The following PAIP1 variants were observed in gnomAD, a reference collection of about 807,000 sequenced individuals.
PAIP1 encodes poly(A) binding protein interacting protein 1.
In PAIP1, 16 loss-of-function variants were observed where a neutral mutation model predicts 61.3. The observed-to-expected ratio is 0.26, with a 90% confidence interval of 0.18 to 0.40. The LOEUF (loss-of-function observed/expected upper bound fraction) is 0.40. PAIP1 is among the 10% of genes least tolerant of loss of function. The pLI, the probability that PAIP1 is intolerant of heterozygous loss-of-function variation, is 1.00. For missense variants in PAIP1, 416 were observed against 600.9 expected, an observed-to-expected ratio of 0.69 and a Z score of 3.22; for synonymous variants, 187 against 226.2, an observed-to-expected ratio of 0.83 and a Z score of 1.56.
intron 1 of PAIP1, chr5:43,556,326 A>G: frequency 8.1e-7 from 1 of 1,235,398 alleles, no homozygotes; most frequent in Non-Finnish European, 1.0e-6. Context: ...GGCGATTTTT[A>G]CTTCCTCCCG....
chr5:43,556,941 G>A lies in PAIP1; in HGVS notation c.-95C>T. On this transcript the variant is annotated 5_prime_UTR_variant, in exon 1 of 11. Transcript: ENST00000306846. ...GCGCCGCGGGTCGGCTATAGCCGCC[G>A]CGCCTCACTCGGGCCTCATGGAGGA... is the stretch of plus-strand genomic sequence containing the variant. 7.8e-7 allele frequency: 1 copy of A among 1,282,662 alleles called. No homozygotes were observed. Among genetic ancestry groups the A allele is most frequent in the Non-Finnish European group, 9.9e-7 (1 of 1,014,742 alleles). 79.5% of individuals were successfully genotyped at this position (1,282,662 alleles called of 1,614,324 possible). A position where few individuals can be genotyped will look rare whatever the true frequency, so the allele number is the denominator to read the frequency against.
At chr5:43,538,839 AG>A (rs1747263093) in intron 5 of PAIP1, 84 bp downstream of exon 5, 7 of 742,126 alleles carry the variant, frequency 9.4e-6, no homozygotes, top group Non-Finnish European at 1.7e-5. Flanking sequence ...ATGTTGTAAA[AG>A]TACAATGTGA....
Position 43,556,826 on chromosome 5 carries a change from C to G in PAIP1, c.21G>C (p.Arg7=). The G allele has an allele frequency of 6.9e-7, 1 of 1,451,154 alleles. No individual in the cohort carries two copies. The highest frequency in any genetic ancestry group is 9.1e-7 in the Non-Finnish European group (1 of 1,104,114). The allele number at this position is 1,451,154 out of a possible 1,614,324, so 89.9% of individuals were successfully genotyped here. A position where few individuals can be genotyped will look rare whatever the true frequency, so the allele number is the denominator to read the frequency against. MSDGFD[R]APGAGRGRSR... is the part of the protein sequence containing the mutation. Reference sequence around the variant, plus strand: ...TCCGGCCCCGACCAGCACCTGGGGCCCGATCGAAACCGTCCGACATGCTCC... The same window carrying G: ...TCCGGCCCCGACCAGCACCTGGGGCGCGATCGAAACCGTCCGACATGCTCC... Residue 7 remains arginine, a synonymous_variant, in exon 1 of 11, where the codon CGG becomes CGC. Coordinates refer to ENST00000306846, the MANE Select transcript of PAIP1 (RefSeq NM_006451.5).
chr5:43,553,579 A>G (rs1747947856), intron 2 of PAIP1, among the ~76,000 whole-genome samples: 1 of 152,210 alleles, frequency 6.6e-6, no homozygotes. Flanking sequence ...CTAAAAGGAA[A>G]TGTTTCCTTT....
At chr5:43,556,385 C>A (rs55641556) in intron 1 of PAIP1, 197 bp downstream of exon 1, 557,889 of 1,230,410 alleles carry the variant, frequency 0.45, 132,801 homozygotes, top group East Asian at 0.76. Flanking sequence ...CCCAGCCAGG[C>A]GCACAAAGGA....
chr5:43,535,985 T>TTAAA (rs1554039830), intron 6 of PAIP1, among the ~76,000 whole-genome samples: 87 of 116,182 alleles, frequency 7.5e-4, no homozygotes, highest in Non-Finnish European at 1.3e-3. Flanking sequence ...AAGCTTTGAA[T>TTAAA]AAAAAAAAAA....
chr5:43,530,011 A>G (rs1720485469), intron 9 of PAIP1, 132 bp from the exon 10 acceptor site: 2 of 606,468 alleles, frequency 3.3e-6, no homozygotes, highest in Non-Finnish European at 2.9e-6. Flanking sequence ...GTAATTACAT[A>G]TAGTACTATA....
chr5:43,549,800 AC>A (rs1357575778), intron 2 of PAIP1, among the ~76,000 whole-genome samples: 1 of 151,934 alleles, frequency 6.6e-6, no homozygotes, highest in African/African-American at 2.4e-5. Context: ...GCTCACTGCA[AC>A]CTCTGCCTCC....
chr5:43,530,706 T>G (rs1241063844), intron 9 of PAIP1, among the ~76,000 whole-genome samples: 1 of 152,200 alleles, frequency 6.6e-6, no homozygotes, highest in African/African-American at 2.4e-5. Flanking sequence ...ACCTTCCTGC[T>G]ACAAAAAGAC....
At chr5:43,527,837 CAT>C (rs1271902172) in intron 10 of PAIP1, among the ~76,000 whole-genome samples, 1 of 152,056 alleles carries the variant, frequency 6.6e-6, no homozygotes, top group African/African-American at 2.4e-5. Context: ...ATTAATAGAA[CAT>C]AATTTCAAAT....
Position 43,538,950 on chromosome 5 carries a change from G to C in PAIP1, c.820C>G (p.Leu274Val), listed in dbSNP as rs1265011095. The C allele has an allele frequency of 1.7e-5, 28 of 1,608,216 alleles. No homozygotes were observed. The highest frequency in any genetic ancestry group is 2.4e-5 in the Non-Finnish European group (28 of 1,176,226). ...RKRFHAFVLF[L>V]GELYLNLEIK... ...TCCAGGTTAAGATAAAGTTCTCCCAGAAAGAGTACAAATGCATGAAATCGT... is the reference window on the plus strand; with the variant it reads ...TCCAGGTTAAGATAAAGTTCTCCCACAAAGAGTACAAATGCATGAAATCGT... Residue 274 changes from leucine to valine, a missense_variant, in exon 5 of 11, where the codon CTG becomes GTG. Around this residue, in one of 4 missense-constraint regions of PAIP1, gnomAD observed 135 missense variants for 283.9 expected, o/e 0.48. Transcript: ENST00000306846.
At chr5:43,530,176 A>G (rs1746881602) in intron 9 of PAIP1, among the ~76,000 whole-genome samples, 1 of 152,240 alleles carries the variant, frequency 6.6e-6, no homozygotes. Flanking sequence ...ATCAAATACT[A>G]CTGGTTTCCA....
rs1746744674 is a variant in PAIP1, at chr5:43,527,271, A to T, written c.*105T>A. On this transcript the variant is annotated 3_prime_UTR_variant, in exon 11 of 11. Transcript: ENST00000306846. ...GTTGCATACATTAGTAACATAACTC[A>T]ACATCCTTAATTTGGTATAGATGTG... 1 of 619,758 alleles carries T rather than the reference A, an allele frequency of 1.6e-6. No homozygotes were observed. Among genetic ancestry groups the T allele is most frequent in the South Asian group, 2.9e-5 (1 of 34,232 alleles). The allele number at this position is 619,758 out of a possible 1,614,324, so 38.4% of individuals were successfully genotyped here.
At chr5:43,538,003 A>G (rs1309797653) in intron 5 of PAIP1, among the ~76,000 whole-genome samples, 1 of 151,010 alleles carries the variant, frequency 6.6e-6, no homozygotes, top group Non-Finnish European at 1.5e-5. Context: ...ACCCAAAAAA[A>G]AAAAAAAAAA....
chr5:43,528,636 T>C (rs1273130941), intron 10 of PAIP1, among the ~76,000 whole-genome samples: 1 of 152,090 alleles, frequency 6.6e-6, no homozygotes. Flanking sequence ...AATATAGAAG[T>C]ACAGCAACAA....
At position 43,526,731 on chromosome 5, in the gene PAIP1, A is replaced by T. The variant is rs1384234039; in HGVS notation, c.*645T>A. 2 of 151,000 alleles carry T rather than the reference A, an allele frequency of 1.3e-5. No homozygotes were observed. Among genetic ancestry groups the T allele is most frequent in the Non-Finnish European group, 3.0e-5 (2 of 67,728 alleles). 9.4% of individuals were successfully genotyped at this position (151,000 alleles called of 1,614,324 possible). ...TTAGTCAGTTGAAAAAATAAAAATA[A>T]AAAAGAACAATTCTAGAATTGGAAT... On this transcript the variant is annotated 3_prime_UTR_variant, in exon 11 of 11. Coordinates refer to ENST00000306846, the MANE Select transcript of PAIP1 (RefSeq NM_006451.5).
Position 43,533,767 on chromosome 5 carries a change from T to C in PAIP1, c.1223A>G (p.Asp408Gly). The change falls in exon 9 of 11, where the codon GAT becomes GGT. Residue 408 changes from aspartate to glycine, a missense_variant. Coordinates refer to ENST00000306846, the MANE Select transcript of PAIP1 (RefSeq NM_006451.5). ...ATCAGCTGCAGTGAAAGGAACACCA[T>C]CAGATGTATAAAATGTTGGTTCATT... ...FMNEPTFYTS[D>G]GVPFTAADPD... 6.3e-7 allele frequency: 1 copy of C among 1,584,526 alleles called. No homozygotes were observed. The highest frequency in any genetic ancestry group is 8.7e-7 in the Non-Finnish European group (1 of 1,153,042).
chr5:43,556,225 C>T (rs961664546), intron 1 of PAIP1: 2 of 1,294,044 alleles, frequency 1.5e-6, no homozygotes, highest in Non-Finnish European at 9.8e-7. Context: ...TGAGTGCTTG[C>T]GAGCTTTTTT....
intron 9 of PAIP1, among the ~76,000 whole-genome samples, chr5:43,531,355 G>A (rs1488995470): frequency 6.8e-6 from 1 of 147,540 alleles, no homozygotes; most frequent in Non-Finnish European, 1.5e-5. Flanking sequence ...AAAAGACAAA[G>A]CACTGAAGCA....
Sources: gnomAD v4.1 joint callset for allele counts (sites outside exome capture counted in the v4.1 genomes callset) on GRCh38, gnomAD v4.1.1 for gene constraint, gnomAD v4.1.1 regional missense constraint, MANE v1.5 for transcripts, NCBI Gene and HGNC (gene_info 2026-07-23, HGNC 2026-07-21) for gene names.